Variants in VPS13B observed in about 807,000 individuals in gnomAD.
VPS13B encodes the protein vacuolar protein sorting 13 homolog B.
VPS13B carries 285 observed loss-of-function variants against 426.4 expected under a neutral mutation model. The ratio of observed to expected loss-of-function variants is 0.67; its 90% CI spans 0.61 to 0.74. The LOEUF (loss-of-function observed/expected upper bound fraction) is 0.74, where lower values mean the gene tolerates loss of function less well. Ranked by LOEUF, VPS13B falls within the 30% of genes least tolerant of loss-of-function variation. VPS13B has a pLI of 0.00. For missense variants in VPS13B, 4,537 were observed against 4,782.6 expected (o/e 0.95, Z 1.51); for synonymous variants, 1,676 against 1,676.4 (o/e 1.00, Z 0.01).
At position 99,871,638 on chromosome 8, in the gene VPS13B, A is replaced by G. The variant is rs1325172197; in HGVS notation, c.11686A>G (p.Lys3896Glu). 6.2e-7 allele frequency: 1 copy of G among 1,614,184 alleles called. No homozygotes were observed. The highest frequency in any genetic ancestry group is 1.7e-5 in the Admixed American group (1 of 60,030). Residue 3896 changes from lysine to glutamate, a missense_variant, in exon 61 of 62, where the codon AAG becomes GAG. Lys to Glu is a moderately conservative substitution (Grantham distance 56). Around this residue, in one of 2 missense-constraint regions of VPS13B, gnomAD observed 4,311 missense variants for 4,474.3 expected, o/e 0.96. Transcript: ENST00000357162. ...VTEIDCAQDSKQNNLLTVQLK... is the reference protein window; with the variant it reads ...VTEIDCAQDSEQNNLLTVQLK... ...AGAAATCGACTGTGCACAGGACAGC[A>G]AGCAGAACAACTTACTCACAGTGCA...
chr8:99,668,374 T>C (rs1428024427), intron 35 of VPS13B, among the ~76,000 whole-genome samples: 2 of 150,144 alleles, frequency 1.3e-5, no homozygotes, highest in Admixed American at 1.3e-4. Context: ...AAAAAAAAAG[T>C]TGCAACCCTT....
In VPS13B at chr8:99,717,131, A is replaced by G. The variant is rs199660971; in HGVS notation, c.6455-40A>G. Reference sequence around the variant, plus strand: ...AGTTCTTTCCCAAACATTTTTTTTGATAAGGATGAATTATATACTCTTCTG... The same window carrying G: ...AGTTCTTTCCCAAACATTTTTTTTGGTAAGGATGAATTATATACTCTTCTG... On this transcript the variant is annotated intron_variant, in intron 36 of 61. Coordinates refer to ENST00000357162, the MANE Select transcript of VPS13B (RefSeq NM_152564.5). 7 of 1,545,744 alleles carry G rather than the reference A, an allele frequency of 4.5e-6. No homozygotes were observed. In the East Asian group the frequency reaches 1.6e-4, roughly 35 times the overall value.
chr8:99,470,745 A>G (rs575991101), intron 24 of VPS13B, among the ~76,000 whole-genome samples: 2 of 151,852 alleles, frequency 1.3e-5, no homozygotes, highest in South Asian at 2.1e-4. Flanking sequence ...GGAAATAACT[A>G]CAGAAAACTT....
chr8:99,750,174 A>T (rs768152852), intron 39 of VPS13B, among the ~76,000 whole-genome samples: 1 of 152,112 alleles, frequency 6.6e-6, no homozygotes, highest in African/African-American at 2.4e-5. Flanking sequence ...TTCATTCGTG[A>T]TGAAGTATTT....
In VPS13B at chr8:99,376,589, C is replaced by T. The variant is rs558737683; in HGVS notation, c.2825-7619C>T. 1.7e-3 allele frequency among the ~76,000 whole-genome samples: 265 copies of T among 151,938 alleles called. 2 individuals carry two copies. The highest frequency in any genetic ancestry group is 5.8e-3 in the South Asian group (28 of 4,818). On this transcript the variant is annotated intron_variant, in intron 19 of 61. Coordinates refer to ENST00000357162, the MANE Select transcript of VPS13B (RefSeq NM_152564.5). ...GAAAATATTTATTATATTTGTTTTC[C>T]GTTTTCTCTCTCTAAAATCTCAAAT...
chr8:99,077,178 C>A (rs1204695270), intron 3 of VPS13B, among the ~76,000 whole-genome samples: 1 of 149,742 alleles, frequency 6.7e-6, no homozygotes, highest in Non-Finnish European at 1.5e-5. Flanking sequence ...ACTGTTCTTT[C>A]ATTTTTTTTT....
At chr8:99,122,518 C>T (rs989033106) in intron 8 of VPS13B, among the ~76,000 whole-genome samples, 6 of 152,040 alleles carry the variant, frequency 3.9e-5, no homozygotes, top group African/African-American at 1.4e-4. Context: ...AGCTTTGATC[C>T]CCCATGTGTT....
intron 16 of VPS13B, among the ~76,000 whole-genome samples, chr8:99,189,660 CTAATAT>C (rs2132718889): frequency 6.6e-6 from 1 of 151,832 alleles, no homozygotes; most frequent in South Asian, 2.1e-4. Flanking sequence ...GTGTCCTTTT[CTAATAT>C]TGTTTTATAA....
chr8:99,335,969 C>A (rs1356093843), intron 19 of VPS13B, among the ~76,000 whole-genome samples: 1 of 152,188 alleles, frequency 6.6e-6, no homozygotes, highest in Non-Finnish European at 1.5e-5. Context: ...AATGCCATCC[C>A]CATCAAGCTA....
intron 33 of VPS13B, among the ~76,000 whole-genome samples, chr8:99,580,686 CA>C (rs1008335737): frequency 1.1e-4 from 16 of 149,436 alleles, no homozygotes; most frequent in African/African-American, 3.4e-4. Flanking sequence ...CCCATTTCAA[CA>C]AAAAAAAATT....
chr8:99,659,607 A>G (rs1176166327), intron 34 of VPS13B, among the ~76,000 whole-genome samples: 2 of 152,262 alleles, frequency 1.3e-5, no homozygotes, highest in African/African-American at 4.8e-5. Context: ...TTGATTAAAT[A>G]TGCCACAAGG....
At chr8:99,225,477 C>T (rs1453222020) in intron 17 of VPS13B, among the ~76,000 whole-genome samples, 5 of 151,826 alleles carry the variant, frequency 3.3e-5, no homozygotes, top group South Asian at 2.1e-4. Flanking sequence ...GGGGTTTCAC[C>T]GTGTTAGCCA....
At chr8:99,561,805 A>G (rs1824937027) in intron 31 of VPS13B, among the ~76,000 whole-genome samples, 1 of 152,176 alleles carries the variant, frequency 6.6e-6, no homozygotes, top group South Asian at 2.1e-4. Flanking sequence ...GTACACTACA[A>G]TTTGTCTATC....
intron 19 of VPS13B, chr8:99,346,238 A>G (rs1006831159): frequency 4.6e-5 from 7 of 152,164 alleles, no homozygotes; most frequent in Non-Finnish European, 7.3e-5. Context: ...ATGAGATTAC[A>G]CGCAGGGTAG....
intron 3 of VPS13B, among the ~76,000 whole-genome samples, chr8:99,048,626 C>T (rs1262394920): frequency 6.6e-6 from 1 of 151,962 alleles, no homozygotes; most frequent in African/African-American, 2.4e-5. Context: ...ACCAGCCTGG[C>T]CAACATGGTG....
chr8:99,822,281 A>G (rs1358432931), intron 50 of VPS13B, among the ~76,000 whole-genome samples: 1 of 152,328 alleles, frequency 6.6e-6, no homozygotes, highest in East Asian at 1.9e-4. Context: ...GTGTCTTTGA[A>G]AAGTCTTTTG....
chr8:99,301,334 C>T (rs1162794202), intron 19 of VPS13B, among the ~76,000 whole-genome samples: 8 of 144,652 alleles, frequency 5.5e-5, no homozygotes, highest in East Asian at 2.0e-4. Context: ...GCTCTTGTTG[C>T]GTAGGCTACA....
Position 99,877,580 on chromosome 8 carries a change from A to G in VPS13B, c.*1914A>G, listed in dbSNP as rs1008876693. On this transcript the variant is annotated 3_prime_UTR_variant, in exon 62 of 62. Coordinates refer to ENST00000357162, the MANE Select transcript of VPS13B (RefSeq NM_152564.5). Reference sequence around the variant, plus strand: ...TTATAATAAAGTTACTGATTAAATTAGCTTTGAATAAGTGTCATTTTTTAA... The same window carrying G: ...TTATAATAAAGTTACTGATTAAATTGGCTTTGAATAAGTGTCATTTTTTAA... 5 of 152,260 alleles carry G rather than the reference A, an allele frequency of 3.3e-5. No homozygotes were observed. Among genetic ancestry groups the G allele is most frequent in the Admixed American group, 2.0e-4 (3 of 15,276 alleles). 9.4% of individuals were successfully genotyped at this position (152,260 alleles called of 1,614,324 possible).
chr8:99,502,855 A>C lies in VPS13B; in HGVS notation c.4062A>C (p.Glu1354Asp), dbSNP rs752275931. 1.9e-6 allele frequency: 3 copies of C among 1,613,162 alleles called. No homozygotes were observed. In the African/African-American group the frequency reaches 4.0e-5, roughly 22 times the overall value. ...NKGTEVCMVS[E>D]LEDLSASIDV... Reference sequence around the variant, plus strand: ...TTGCAGAGGTTTGTATGGTCAGTGAACTAGAAGATCTCAGTGCTTCCATAG... The same window carrying C: ...TTGCAGAGGTTTGTATGGTCAGTGACCTAGAAGATCTCAGTGCTTCCATAG... Residue 1354 changes from glutamate (E) to aspartate (D), a missense_variant, in exon 27 of 62, where the codon GAA becomes GAC. Transcript: ENST00000357162.
Sources: allele counts gnomAD v4.1 joint callset (sites outside exome capture counted in the v4.1 genomes callset), GRCh38; gene constraint gnomAD v4.1.1; regional missense constraint gnomAD v4.1.1; transcripts MANE v1.5; gene names NCBI Gene and HGNC (gene_info 2026-07-23, HGNC 2026-07-21).